ENTPD5: variants seen among roughly 807,000 people sequenced by gnomAD.
ENTPD5 encodes the protein nucleoside diphosphate phosphatase ENTPD5.
Under a neutral mutation model 60.2 loss-of-function variants are expected in ENTPD5, and 49 were observed. The ratio of observed to expected loss-of-function variants is 0.81; its 90% confidence interval spans 0.65 to 1.03. The LOEUF is 1.03. Ranked by LOEUF, ENTPD5 falls within the 50% of genes least tolerant of loss-of-function variation. The probability of loss-of-function intolerance (pLI) is 0.00; values close to 1 mark genes in which losing one functional copy is unlikely to be tolerated. For synonymous variants in ENTPD5, 187 were observed against 185.4 expected (o/e 1.01, Z -0.07); for missense variants, 480 against 507.6 (o/e 0.95, Z 0.52).
intron 3 of ENTPD5, among the ~76,000 whole-genome samples, chr14:74,008,128 CCAGA>C (rs1335148591): frequency 1.3e-5 from 2 of 151,826 alleles, no homozygotes; most frequent in African/African-American, 4.8e-5. Flanking sequence ...GCCACCACCC[CCAGA>C]CAAAGAAAAA....
At position 73,987,952 on chromosome 14, in the gene ENTPD5, T is replaced by C; in HGVS notation, c.151A>G (p.Ile51Val). The C allele has an allele frequency of 1.2e-6, 2 of 1,614,120 alleles. No individual in the cohort carries two copies. Among genetic ancestry groups the C allele is most frequent in the Non-Finnish European group, 1.7e-6 (2 of 1,180,006 alleles). Residue 51 changes from isoleucine to valine, a missense_variant, in exon 4 of 16, where the codon ATT becomes GTT. Ile to Val is a conservative substitution (Grantham distance 29). Coordinates refer to ENST00000334696, the MANE Select transcript of ENTPD5 (RefSeq NM_001249.5). ...INVSASTLYGIMFDAGSTGTR... is the reference protein window; with the variant it reads ...INVSASTLYGVMFDAGSTGTR... ...CCAGTGCTCCCTGCATCAAACATAA[T>C]TCCATACAAGGTGCTGGCGCTGACA...
intron 10 of ENTPD5, 70 bp downstream of exon 10, chr14:73,975,866 T>G: frequency 1.7e-4 from 227 of 1,303,692 alleles, no homozygotes; most frequent in Non-Finnish European, 2.3e-4. Flanking sequence ...ATAACAGATT[T>G]GAGAATGCTT....
chr14:74,011,089 A>G lies in ENTPD5; in HGVS notation c.-71+2T>C. The G allele has an allele frequency of 2.6e-6, 2 of 778,170 alleles. No individual in the cohort carries two copies. Among genetic ancestry groups the G allele is most frequent in the Non-Finnish European group, 3.1e-6 (2 of 641,112 alleles). 48.2% of individuals were successfully genotyped at this position (778,170 alleles called of 1,614,324 possible). On this transcript the variant is annotated splice_donor_variant, in intron 3 of 15. Coordinates refer to ENST00000334696, the MANE Select transcript of ENTPD5 (RefSeq NM_001249.5). LOFTEE classifies it low-confidence loss of function (5UTR_SPLICE). ...GAAGTATTACTTATATATGTTACTT[A>G]CCAATTTTTTCTTTCCTTCTGAATT...
intron 3 of ENTPD5, among the ~76,000 whole-genome samples, chr14:74,006,194 T>C (rs548263453): frequency 6.6e-6 from 1 of 152,010 alleles, no homozygotes; most frequent in Non-Finnish European, 1.5e-5. Context: ...GGTTTCTCCA[T>C]GTTAGTCAGG....
chr14:73,994,428 T>C (rs2058261464), intron 3 of ENTPD5, among the ~76,000 whole-genome samples: 1 of 151,088 alleles, frequency 6.6e-6, no homozygotes, highest in Non-Finnish European at 1.5e-5. Flanking sequence ...CACCGAGCAA[T>C]GTAAGCCATT....
At chr14:73,955,862 A>G (rs765278197), downstream of ENTPD5, 1 of 1,614,140 alleles carries the variant, frequency 6.2e-7, no homozygotes, top group South Asian at 1.1e-5. Flanking sequence ...TTTAGATGAC[A>G]TGGGCTATAT....
chr14:73,970,918 T>G (rs896272943), intron 14 of ENTPD5, among the ~76,000 whole-genome samples: 6 of 151,412 alleles, frequency 4.0e-5, no homozygotes, highest in African/African-American at 1.2e-4. Context: ...CTCAAGCTCC[T>G]GGGTTCACAC....
rs753135794 is a variant in ENTPD5 at position 73,988,098 on chromosome 14, G to C, written c.5C>G (p.Ala2Gly). The C allele has an allele frequency of 6.2e-7, 1 of 1,608,976 alleles. No homozygotes were observed. The highest frequency in any genetic ancestry group is 1.3e-5 in the African/African-American group (1 of 74,986). The stretch of plus-strand genomic sequence containing the variant: ...GAAAAAGACTGTGCCCCAAGAAGTG[G>C]CCATTCTTTTCCCAAGATGTGGCTG... M[A>G]TSWGTVFFML... The change falls in exon 4 of 16, where the codon GCC (alanine) becomes GGC (glycine). Residue 2 changes from alanine (A) to glycine (G), a missense_variant. Physicochemically the swap from Ala to Gly is moderately conservative, Grantham distance 60 (BLOSUM62 0). Transcript: ENST00000334696.
chr14:73,983,220 C>A, intron 5 of ENTPD5, 59 bp from the exon 6 acceptor site: 1 of 1,536,768 alleles, frequency 6.5e-7, no homozygotes, highest in South Asian at 1.2e-5. Flanking sequence ...TGGCACTGGT[C>A]TATTCTGTCA....
intron 3 of ENTPD5, among the ~76,000 whole-genome samples, chr14:74,005,722 G>A (rs1292696519): frequency 2.6e-5 from 4 of 151,978 alleles, no homozygotes; most frequent in African/African-American, 4.8e-5. Flanking sequence ...TAGGAGGATC[G>A]CTAGAACCCA....
chr14:73,997,930 C>G (rs2058388402), intron 3 of ENTPD5, among the ~76,000 whole-genome samples: 1 of 152,140 alleles, frequency 6.6e-6, no homozygotes, highest in Non-Finnish European at 1.5e-5. Flanking sequence ...CAGTGTTCCA[C>G]TACGGCCTAG....
chr14:73,988,772 T>C (rs947165599), intron 3 of ENTPD5, among the ~76,000 whole-genome samples: 4 of 152,194 alleles, frequency 2.6e-5, no homozygotes, highest in East Asian at 1.9e-4. Context: ...ACATGCAGTA[T>C]ATATCTTTCT....
intron 3 of ENTPD5, among the ~76,000 whole-genome samples, chr14:74,003,011 C>T (rs892443723): frequency 6.6e-6 from 1 of 152,118 alleles, no homozygotes; most frequent in Non-Finnish European, 1.5e-5. Context: ...AATTCTTTTC[C>T]TATATATCCA....
At chr14:73,973,157 G>A in intron 12 of ENTPD5, 133 bp from the exon 13 acceptor site, 18 of 1,071,784 alleles carry the variant, frequency 1.7e-5, no homozygotes, top group Non-Finnish European at 2.3e-5. Context: ...CTGAGGCTTG[G>A]GACAAGAGGC....
chr14:73,995,816 T>C (rs2058324051), intron 3 of ENTPD5, among the ~76,000 whole-genome samples: 2 of 152,214 alleles, frequency 1.3e-5, no homozygotes, highest in African/African-American at 4.8e-5. Context: ...TACATTTAAA[T>C]CTACTCCTTT....
At chr14:73,978,729 G>A (rs1594870081) in intron 6 of ENTPD5, among the ~76,000 whole-genome samples, 1 of 151,824 alleles carries the variant, frequency 6.6e-6, no homozygotes, top group East Asian at 1.9e-4. Context: ...TGACCAACAT[G>A]GTGAAAACCC....
intron 6 of ENTPD5, among the ~76,000 whole-genome samples, chr14:73,978,142 T>C (rs1417090623): frequency 6.6e-6 from 1 of 152,140 alleles, no homozygotes; most frequent in African/African-American, 2.4e-5. Context: ...AAGTTATATA[T>C]AAACAAACTT....
intron 3 of ENTPD5, among the ~76,000 whole-genome samples, chr14:73,999,317 A>T (rs759608684): frequency 6.6e-6 from 1 of 150,866 alleles, no homozygotes; most frequent in African/African-American, 2.4e-5. Flanking sequence ...GTGAAACCCC[A>T]TATCTACTAA....
At chr14:74,008,538 T>C (rs1203511519) in intron 3 of ENTPD5, among the ~76,000 whole-genome samples, 2 of 151,428 alleles carry the variant, frequency 1.3e-5, no homozygotes, top group Admixed American at 1.3e-4. Context: ...GGACGATGGG[T>C]GCCTGCCACC....
Sources: gnomAD v4.1 joint callset for allele counts (sites outside exome capture counted in the v4.1 genomes callset) on GRCh38, gnomAD v4.1.1 for gene constraint, MANE v1.5 for transcripts, NCBI Gene and HGNC (gene_info 2026-07-23, HGNC 2026-07-21) for gene names.